BMPER: variants seen among roughly 807,000 people sequenced by gnomAD.
BMPER encodes BMP-binding endothelial regulator protein.
Under a neutral mutation model 87.3 loss-of-function variants are expected in BMPER, and 45 were observed. The observed-to-expected ratio is 0.52, with a 90% CI of 0.41 to 0.66. BMPER has a LOEUF of 0.66. Ranked by LOEUF, BMPER falls within the 30% of genes least tolerant of loss-of-function variation. The probability of loss-of-function intolerance (pLI) is 0.00; values close to 1 mark genes in which losing one functional copy is unlikely to be tolerated. For missense variants in BMPER, 784 were observed against 867.5 expected (o/e 0.90, Z 1.21); for synonymous variants, 326 against 316.2 (o/e 1.03, Z -0.33).
At chr7:33,986,856 A>G (rs1024444371) in intron 6 of BMPER, among the ~76,000 whole-genome samples, 2 of 152,222 alleles carry the variant, frequency 1.3e-5, no homozygotes, top group Non-Finnish European at 2.9e-5. Flanking sequence ...GTCCATTATT[A>G]GCCAGATAAC....
intron 7 of BMPER, among the ~76,000 whole-genome samples, chr7:34,046,926 A>AT (rs5883443): frequency 0.31 from 44,914 of 146,246 alleles, 6,875 homozygotes; most frequent in East Asian, 0.43. Flanking sequence ...TAGGCACTTT[A>AT]TTTTTTTTTT....
At chr7:34,016,417 TG>T (rs1787028540) in intron 6 of BMPER, among the ~76,000 whole-genome samples, 2 of 152,070 alleles carry the variant, frequency 1.3e-5, no homozygotes. Flanking sequence ...CTAAAGCAAA[TG>T]GTTGAACTCA....
chr7:34,067,650 T>C lies in BMPER; in HGVS notation c.1078+5603T>C, dbSNP rs546489563. 1.3e-3 allele frequency among the ~76,000 whole-genome samples: 202 copies of C among 152,250 alleles called. 1 individual carries two copies. Among genetic ancestry groups the C allele is most frequent in the Non-Finnish European group, 2.2e-3 (147 of 68,026 alleles). On this transcript the variant is annotated intron_variant, in intron 11 of 14. Coordinates refer to ENST00000649409, the MANE Select transcript of BMPER (RefSeq NM_001365308.1). ...TAGCCCTGCCAAGGAGGTGTTAACC[T>C]AAGTGGCCACTGAAGTTTCTGCTCC...
At chr7:33,977,453 G>T (rs1442510119) in intron 6 of BMPER, among the ~76,000 whole-genome samples, 1 of 152,118 alleles carries the variant, frequency 6.6e-6, no homozygotes, top group East Asian at 1.9e-4. Context: ...TGGCATGTGA[G>T]GTGCGTGCAG....
At position 33,939,164 on chromosome 7, in the gene BMPER, A is replaced by G. The variant is rs1163939349; in HGVS notation, c.319+1776A>G. 2.0e-5 allele frequency among the ~76,000 whole-genome samples: 3 copies of G among 152,168 alleles called. No homozygotes were observed. In the East Asian group the frequency reaches 5.8e-4, roughly 29 times the overall value. On this transcript the variant is annotated intron_variant, in intron 3 of 14. Coordinates refer to ENST00000649409, the MANE Select transcript of BMPER (RefSeq NM_001365308.1). ...TACTGGTGCCCTTCACATGCTTGAC[A>G]AGCTTTCGGTTTGCTTCTCCATGAT...
At chr7:33,934,688 G>A (rs1229302134) in intron 2 of BMPER, among the ~76,000 whole-genome samples, 1 of 152,194 alleles carries the variant, frequency 6.6e-6, no homozygotes, top group African/African-American at 2.4e-5. Context: ...TTAAGCGAAT[G>A]TGTGCCTTCC....
At chr7:33,989,950 G>C (rs1786154767) in intron 6 of BMPER, among the ~76,000 whole-genome samples, 1 of 152,046 alleles carries the variant, frequency 6.6e-6, no homozygotes, top group Admixed American at 6.5e-5. Flanking sequence ...ATTTCTGAGG[G>C]TTCTGTTCTG....
At chr7:33,950,801 A>C (rs1224750920) in intron 3 of BMPER, among the ~76,000 whole-genome samples, 1 of 152,174 alleles carries the variant, frequency 6.6e-6, no homozygotes, top group Non-Finnish European at 1.5e-5. Context: ...GGTTGGATAC[A>C]GCTTAGAATT....
chr7:34,040,184 GAA>G (rs1032166601), intron 6 of BMPER, among the ~76,000 whole-genome samples: 6 of 152,146 alleles, frequency 3.9e-5, no homozygotes, highest in Admixed American at 3.3e-4. Flanking sequence ...TGAAATGTTG[GAA>G]AATCTCTAAA....
chr7:34,018,493 G>A (rs1427474), intron 6 of BMPER, among the ~76,000 whole-genome samples: 27 of 151,948 alleles, frequency 1.8e-4, no homozygotes, highest in South Asian at 6.2e-4. Context: ...GAATCTTATC[G>A]TCACCTTCAA....
At chr7:33,927,737 G>A (rs1178058430) in intron 2 of BMPER, among the ~76,000 whole-genome samples, 2 of 152,052 alleles carry the variant, frequency 1.3e-5, no homozygotes, top group Non-Finnish European at 2.9e-5. Flanking sequence ...ATTCTGCACT[G>A]TCACCCCAGG....
At chr7:33,979,329 A>C (rs1210883563) in intron 6 of BMPER, among the ~76,000 whole-genome samples, 3 of 150,908 alleles carry the variant, frequency 2.0e-5, no homozygotes, top group African/African-American at 7.3e-5. Context: ...GATCTTTCCA[A>C]GTCTGTTACC....
intron 13 of BMPER, among the ~76,000 whole-genome samples, chr7:34,124,836 T>C (rs2110857): frequency 0.15 from 22,946 of 152,174 alleles, 2,202 homozygotes; most frequent in Non-Finnish European, 0.2. Flanking sequence ...TCTTTTGCTT[T>C]AGTTTTAACA....
chr7:34,061,000 G>A (rs912860644), intron 10 of BMPER, among the ~76,000 whole-genome samples: 1 of 152,178 alleles, frequency 6.6e-6, no homozygotes, highest in African/African-American at 2.4e-5. Flanking sequence ...CTACTCTTGT[G>A]TTGCATGACC....
chr7:34,113,650 AGATT>A (rs1790039137), intron 13 of BMPER, among the ~76,000 whole-genome samples: 1 of 152,080 alleles, frequency 6.6e-6, no homozygotes, highest in Non-Finnish European at 1.5e-5. Context: ...AAATTAACAT[AGATT>A]AAGTTCTTCA....
chr7:34,119,194 A>G (rs1240444028), intron 13 of BMPER, among the ~76,000 whole-genome samples: 1 of 152,134 alleles, frequency 6.6e-6, no homozygotes, highest in Non-Finnish European at 1.5e-5. Context: ...ACAACGAGGG[A>G]TGTGTGATAC....
intron 14 of BMPER, 106 bp downstream of exon 14, chr7:34,143,466 G>T: frequency 1.3e-6 from 2 of 1,527,896 alleles, no homozygotes; most frequent in Non-Finnish European, 1.8e-6. Context: ...ATGCCCCCTT[G>T]CCAGAGGAAA....
intron 7 of BMPER, among the ~76,000 whole-genome samples, chr7:34,049,891 A>G (rs1008660883): frequency 1.3e-5 from 2 of 152,182 alleles, no homozygotes; most frequent in African/African-American, 4.8e-5. Context: ...TTTTTATAGT[A>G]AATACAAAAA....
At chr7:33,920,216 T>C (rs1332108415) in intron 2 of BMPER, among the ~76,000 whole-genome samples, 1 of 152,074 alleles carries the variant, frequency 6.6e-6, no homozygotes, top group African/African-American at 2.4e-5. Flanking sequence ...CAGTTGTAGG[T>C]CGTTAACAAG....
Sources: gnomAD v4.1 joint callset for allele counts (sites outside exome capture counted in the v4.1 genomes callset) on GRCh38, gnomAD v4.1.1 for gene constraint, MANE v1.5 for transcripts, NCBI Gene and HGNC (gene_info 2026-07-23, HGNC 2026-07-21) for gene names.